Variants in MAK observed in about 807,000 individuals in gnomAD.
MAK encodes the protein male germ cell associated kinase.
A neutral mutation model predicts 82.6 loss-of-function variants in MAK; 65 were observed. The observed-to-expected ratio is 0.79, with a 90% CI of 0.64 to 0.97. The LOEUF (loss-of-function observed/expected upper bound fraction) is 0.97, where lower values mean the gene tolerates loss of function less well. Ranked by LOEUF, MAK falls within the 50% of genes least tolerant of loss-of-function variation. The pLI, the probability that MAK is intolerant of heterozygous loss-of-function variation, is 0.00. For missense variants in MAK, 703 were observed against 780.2 expected (o/e 0.90, Z 1.18); for synonymous variants, 250 against 274.2 (o/e 0.91, Z 0.87).
In MAK at chr6:10,796,279, G is replaced by C. The variant is rs754349931; in HGVS notation, c.862C>G (p.Gln288Glu). 1.9e-6 allele frequency: 3 copies of C among 1,613,758 alleles called. No homozygotes were observed. The East Asian group carries it at 6.7e-5, about 36-fold the overall frequency. Residue 288 changes from glutamine (Q) to glutamate (E), a missense_variant, in exon 9 of 15, where the codon CAG (glutamine) becomes GAG (glutamate). Physicochemically the swap from Gln to Glu is conservative, Grantham distance 29. Coordinates refer to ENST00000354489, the MANE Select transcript of MAK (RefSeq NM_001242957.3). Reference sequence around the variant, plus strand: ...TGATTTGACGAAGGGCCTAATACCTGACCAACTTGAAAATATGGGTGTTTC... The same window carrying C: ...TGATTTGACGAAGGGCCTAATACCTCACCAACTTGAAAATATGGGTGTTTC... ...ALKHPYFQVG[Q>E]VLGPSSNHLE...
chr6:10,817,272 A>G (rs2009118), intron 4 of MAK, among the ~76,000 whole-genome samples: 123,574 of 152,022 alleles, frequency 0.81, 51,007 homozygotes, highest in African/African-American at 0.96. Context: ...TCTCCCAGAC[A>G]TGACCAGAAC....
chr6:10,783,792 G>A (rs369383194), intron 11 of MAK, among the ~76,000 whole-genome samples: 31 of 152,270 alleles, frequency 2.0e-4, no homozygotes, highest in South Asian at 4.1e-4. Flanking sequence ...AGGCCAAGGC[G>A]GGCGGATCAC....
intron 10 of MAK, among the ~76,000 whole-genome samples, chr6:10,785,667 C>G (rs952393553): frequency 6.6e-6 from 1 of 152,252 alleles, no homozygotes; most frequent in African/African-American, 2.4e-5. Flanking sequence ...AACTGAAATT[C>G]TACCCATTCC....
intron 10 of MAK, among the ~76,000 whole-genome samples, chr6:10,790,577 G>C (rs1774988430): frequency 6.6e-6 from 1 of 152,180 alleles, no homozygotes; most frequent in African/African-American, 2.4e-5. Flanking sequence ...ATTGAAAAAA[G>C]TTTAGAATAG....
chr6:10,769,006 C>G (rs1356993098), intron 14 of MAK, among the ~76,000 whole-genome samples: 1 of 152,148 alleles, frequency 6.6e-6, no homozygotes, highest in East Asian at 1.9e-4. Flanking sequence ...GCCCACGAGT[C>G]AAGATCCAGC....
chr6:10,784,473 A>C lies in MAK; in HGVS notation c.1416T>G (p.Thr472=). The C allele has an allele frequency of 6.2e-7, 1 of 1,614,234 alleles. No individual in the cohort carries two copies. The highest frequency in any genetic ancestry group is 2.2e-5 in the East Asian group (1 of 44,888). The change falls in exon 11 of 15, where the codon ACT becomes ACG. Residue 472 remains threonine, a synonymous_variant. Transcript: ENST00000354489. ...AGTAGTACTGTTTAGAGGTTGGAGC[A>C]GTTGACAATTCGGAATCAGATTTTA... ...TSLKSDSELS[T]APTSKQYYLK... is the part of the protein sequence containing the mutation.
chr6:10,790,361 T>A (rs934938537), intron 10 of MAK, among the ~76,000 whole-genome samples: 1 of 152,198 alleles, frequency 6.6e-6, no homozygotes, highest in Non-Finnish European at 1.5e-5. Flanking sequence ...TTGTATAAGT[T>A]TTCCTGACTC....
At chr6:10,787,419 T>TG (rs1774665662) in intron 10 of MAK, among the ~76,000 whole-genome samples, 1 of 152,214 alleles carries the variant, frequency 6.6e-6, no homozygotes, top group African/African-American at 2.4e-5. Flanking sequence ...CATCCTACTC[T>TG]GCAGATATTT....
chr6:10,774,326 G>A (rs930415514), intron 12 of MAK, among the ~76,000 whole-genome samples: 3 of 151,930 alleles, frequency 2.0e-5, no homozygotes, highest in Non-Finnish European at 4.4e-5. Flanking sequence ...TACTAAACAC[G>A]AAAATTAAGT....
chr6:10,797,698 G>A (rs1775674633), intron 8 of MAK: 1 of 1,107,504 alleles, frequency 9.0e-7, no homozygotes, highest in Non-Finnish European at 1.1e-6. Flanking sequence ...CCTGCCTTTA[G>A]CCAGTCCCCA....
rs526495 is a variant in MAK at position 10,763,079 on chromosome 6, G to A, written c.*1373C>T. ...CTAAGGTCCAGTCCAGAAAGTGGCA[G>A]ATTTAAACAGAGTAGCCCAAAGTTC... On this transcript the variant is annotated 3_prime_UTR_variant, in exon 15 of 15. Transcript: ENST00000354489. 0.78 allele frequency: 118,815 copies of A among 152,620 alleles called. 46,366 individuals carry two copies. The highest frequency in any genetic ancestry group is 0.92 in the East Asian group (4,765 of 5,186). The allele number at this position is 152,620 out of a possible 1,614,324, so 9.5% of individuals were successfully genotyped here.
chr6:10,806,351 CAG>C (rs1776453758), intron 6 of MAK, among the ~76,000 whole-genome samples: 1 of 31,832 alleles, frequency 3.1e-5, no homozygotes, highest in Non-Finnish European at 9.1e-5. Context: ...GTTTTTGAGA[CAG>C]AGTCTTGCTC....
chr6:10,772,750 T>C (rs1773130770), intron 13 of MAK, among the ~76,000 whole-genome samples: 1 of 152,222 alleles, frequency 6.6e-6, no homozygotes, highest in Non-Finnish European at 1.5e-5. Flanking sequence ...CTCTTTTGAT[T>C]CTTTTCATTA....
chr6:10,792,014 G>A (rs1228741180), intron 9 of MAK, among the ~76,000 whole-genome samples, 167 bp from the exon 10 acceptor site: 5 of 152,248 alleles, frequency 3.3e-5, no homozygotes, highest in African/African-American at 4.8e-5. Context: ...AAAAATGGGC[G>A]GTACATGCCA....
intron 1 of MAK, among the ~76,000 whole-genome samples, chr6:10,837,465 C>T (rs959756763): frequency 2.0e-4 from 30 of 152,314 alleles, no homozygotes; most frequent in Admixed American, 1.2e-3. Flanking sequence ...GTTGGGGGAA[C>T]TTTCTCCCTC....
intron 14 of MAK, among the ~76,000 whole-genome samples, chr6:10,766,507 G>C (rs1440877516): frequency 1.2e-4 from 18 of 152,206 alleles, no homozygotes; most frequent in Admixed American, 1.2e-3. Context: ...CCACTAAAAA[G>C]CTATCTAACA....
chr6:10,767,790 CAAA>C (rs35961098), intron 14 of MAK, among the ~76,000 whole-genome samples: 4 of 139,386 alleles, frequency 2.9e-5, no homozygotes, highest in African/African-American at 7.6e-5. Flanking sequence ...GACTTTGTCT[CAAA>C]AAAAAAAAAA....
intron 1 of MAK, among the ~76,000 whole-genome samples, chr6:10,836,036 T>G (rs1310035648): frequency 6.6e-6 from 1 of 152,198 alleles, no homozygotes; most frequent in Non-Finnish European, 1.5e-5. Context: ...GCAACTTCAT[T>G]CCAAGCCTAA....
intron 8 of MAK, chr6:10,797,617 T>C: frequency 4.1e-6 from 4 of 985,434 alleles, no homozygotes; most frequent in Non-Finnish European, 4.8e-6. Context: ...ATCAAATACC[T>C]GGGCAAAGTA....
Sources: gnomAD v4.1 joint callset for allele counts (sites outside exome capture counted in the v4.1 genomes callset) on GRCh38, gnomAD v4.1.1 for gene constraint, MANE v1.5 for transcripts, NCBI Gene and HGNC (gene_info 2026-07-23, HGNC 2026-07-21) for gene names.